PLPP1: variants seen among roughly 807,000 people sequenced by gnomAD.
PLPP1 encodes the protein phospholipid phosphatase 1.
In PLPP1, 24 loss-of-function variants were observed where a neutral mutation model predicts 31.2. That is an observed-to-expected ratio of 0.77 (90% CI 0.56 to 1.08). The LOEUF (loss-of-function observed/expected upper bound fraction) is 1.08, where lower values mean the gene tolerates loss of function less well. Ranked by LOEUF, PLPP1 falls within the 50% of genes least tolerant of loss-of-function variation. The probability of loss-of-function intolerance (pLI) is 0.00; values close to 1 mark genes in which losing one functional copy is unlikely to be tolerated. For missense variants in PLPP1, 319 were observed against 342.7 expected (o/e 0.93, Z 0.55); for synonymous variants, 146 against 126.3 (o/e 1.16, Z -1.05).
At chr5:55,498,010 G>T (rs4865609) in intron 1 of PLPP1, among the ~76,000 whole-genome samples, 89,901 of 140,392 alleles carry the variant, frequency 0.64, 27,899 homozygotes, top group Non-Finnish European at 0.74. Context: ...GTCCACAGGG[G>T]CAATGGAAGA....
At chr5:55,467,774 T>C (rs1752336261) in intron 3 of PLPP1, 95 bp downstream of exon 3, 2 of 1,328,086 alleles carry the variant, frequency 1.5e-6, no homozygotes, top group South Asian at 1.5e-5. Context: ...AACACTAACT[T>C]CTCTTTTTAA....
At chr5:55,463,898 G>A (rs1278974524) in intron 3 of PLPP1, among the ~76,000 whole-genome samples, 1 of 151,068 alleles carries the variant, frequency 6.6e-6, no homozygotes, top group Non-Finnish European at 1.5e-5. Context: ...TCTAACAAAG[G>A]ACTTTTATTC....
At chr5:55,434,733 G>T (rs1452864239) in intron 4 of PLPP1, among the ~76,000 whole-genome samples, 1 of 149,792 alleles carries the variant, frequency 6.7e-6, no homozygotes, top group East Asian at 1.9e-4. Context: ...GCAGAAGAAT[G>T]AAATTGGACC....
At chr5:55,445,287 G>A (rs1027303241) in intron 3 of PLPP1, among the ~76,000 whole-genome samples, 2 of 151,914 alleles carry the variant, frequency 1.3e-5, no homozygotes, top group African/African-American at 2.4e-5. Context: ...CTCATAAATC[G>A]CAAAGACACA....
intron 3 of PLPP1, among the ~76,000 whole-genome samples, chr5:55,465,897 C>A (rs1223163009): frequency 6.6e-6 from 1 of 152,004 alleles, no homozygotes; most frequent in African/African-American, 2.4e-5. Flanking sequence ...ACCTCCTAGC[C>A]ATCCAATTAA....
intron 3 of PLPP1, among the ~76,000 whole-genome samples, chr5:55,465,506 A>T (rs10805478): frequency 0.86 from 130,175 of 151,880 alleles, 56,225 homozygotes; most frequent in South Asian, 0.92. Context: ...TGGAAGAAGA[A>T]CTGTCTTCGG....
At chr5:55,449,987 A>C (rs1385649405) in intron 3 of PLPP1, among the ~76,000 whole-genome samples, 1 of 152,132 alleles carries the variant, frequency 6.6e-6, no homozygotes, top group Non-Finnish European at 1.5e-5. Flanking sequence ...AATTATATAG[A>C]CTCATCTTAT....
Position 55,527,406 on chromosome 5 carries a change from T to C in PLPP1, c.58+7166A>G, listed in dbSNP as rs147343771. On this transcript the variant is annotated intron_variant, in intron 1 of 5. Transcript: ENST00000307259. The stretch of plus-strand genomic sequence containing the variant: ...TATACCCATTGACTTTGATTTGGCA[T>C]AATGATGATACCACATTTGGAGCAT... 1.3e-3 allele frequency among the ~76,000 whole-genome samples: 196 copies of C among 152,314 alleles called. 2 individuals are homozygous for C. The Middle Eastern group carries it at 0.024, about 19-fold the overall frequency.
intron 3 of PLPP1, among the ~76,000 whole-genome samples, chr5:55,456,821 G>A (rs1393059209): frequency 6.6e-6 from 1 of 152,084 alleles, no homozygotes; most frequent in East Asian, 1.9e-4. Context: ...GATTTTCCTT[G>A]CTCCTTGCTT....
At chr5:55,440,265 A>G (rs1357662311) in intron 4 of PLPP1, among the ~76,000 whole-genome samples, 3 of 152,218 alleles carry the variant, frequency 2.0e-5, no homozygotes, top group African/African-American at 7.2e-5. Flanking sequence ...AGCCCAGGGC[A>G]TACAAAGCAC....
intron 3 of PLPP1, among the ~76,000 whole-genome samples, chr5:55,456,844 G>A (rs2111753188): frequency 6.6e-6 from 1 of 152,238 alleles, no homozygotes; most frequent in Non-Finnish European, 1.5e-5. Flanking sequence ...GAACCCCAAA[G>A]CTTACTAAGG....
At chr5:55,522,911 G>A (rs1173330852) in intron 1 of PLPP1, among the ~76,000 whole-genome samples, 2 of 152,030 alleles carry the variant, frequency 1.3e-5, no homozygotes, top group Admixed American at 6.5e-5. Flanking sequence ...GTACAGACGG[G>A]GTTTCAGCGT....
chr5:55,439,032 A>G (rs1751561541), intron 4 of PLPP1, among the ~76,000 whole-genome samples: 1 of 152,202 alleles, frequency 6.6e-6, no homozygotes, highest in Non-Finnish European at 1.5e-5. Context: ...AATGCAGTGC[A>G]TGGTTGCTCT....
intron 1 of PLPP1, among the ~76,000 whole-genome samples, chr5:55,525,883 A>G (rs1204710079): frequency 7.2e-5 from 11 of 152,160 alleles, no homozygotes. Flanking sequence ...AAGAAGAGAC[A>G]AGACAGTATC....
intron 3 of PLPP1, among the ~76,000 whole-genome samples, chr5:55,442,949 A>T (rs1203411332): frequency 1.3e-5 from 2 of 151,930 alleles, no homozygotes; most frequent in Non-Finnish European, 2.9e-5. Context: ...CATGCAAATA[A>T]CTAGAATGCA....
intron 3 of PLPP1, among the ~76,000 whole-genome samples, chr5:55,457,804 G>A (rs1038156281): frequency 5.7e-4 from 86 of 151,180 alleles, no homozygotes; most frequent in African/African-American, 1.8e-3. Context: ...CAGGAGAATC[G>A]CTTGAACCCG....
In PLPP1 at chr5:55,534,931, G is replaced by A. The variant is rs759708875; in HGVS notation, c.-302C>T. On this transcript the variant is annotated 5_prime_UTR_variant, in exon 1 of 6. Transcript: ENST00000307259. ...TCCTCAGCCGGCACGGCCTGCCCCG[G>A]TTGCTCCCCGTCCGGATCCCGGCGC... 646 of 399,824 alleles carry A rather than the reference G, an allele frequency of 1.6e-3. 8 individuals are homozygous for A. Among genetic ancestry groups the A allele is most frequent in the East Asian group, 4.8e-3 (106 of 21,920 alleles). The allele number at this position is 399,824 out of a possible 1,614,324, so 24.8% of individuals were successfully genotyped here.
chr5:55,463,699 G>A (rs765587158), intron 3 of PLPP1, among the ~76,000 whole-genome samples: 25 of 151,558 alleles, frequency 1.6e-4, no homozygotes, highest in Non-Finnish European at 3.5e-4. Context: ...CCAGCACTTT[G>A]ACTTTGGAAG....
intron 1 of PLPP1, among the ~76,000 whole-genome samples, chr5:55,489,862 T>A (rs1161009448): frequency 6.6e-6 from 1 of 152,092 alleles, no homozygotes; most frequent in Non-Finnish European, 1.5e-5. Flanking sequence ...AGAAATAAGG[T>A]GTGATATGCT....
Sources: allele counts gnomAD v4.1 joint callset (sites outside exome capture counted in the v4.1 genomes callset), GRCh38; gene constraint gnomAD v4.1.1; transcripts MANE v1.5; gene names NCBI Gene and HGNC (gene_info 2026-07-23, HGNC 2026-07-21).